GNG7: variants seen among roughly 807,000 people sequenced by gnomAD.
GNG7 encodes the protein guanine nucleotide-binding protein G(I)/G(S)/G(O) subunit gamma-7.
GNG7 carries 1 observed loss-of-function variant against 4.0 expected under a neutral mutation model. That is an observed-to-expected ratio of 0.25 (90% CI 0.09 to 1.18). The LOEUF (loss-of-function observed/expected upper bound fraction) is 1.18. Ranked by LOEUF, GNG7 falls within the 50% of genes most tolerant of loss-of-function variation. GNG7 has a pLI of 0.50. For synonymous variants in GNG7, 34 were observed against 36.9 expected (o/e 0.92, Z 0.29); for missense variants, 86 against 91.9 (o/e 0.94, Z 0.26).
At chr19:2,692,117 G>A (rs533945774) in intron 1 of GNG7, among the ~76,000 whole-genome samples, 75 of 152,242 alleles carry the variant, frequency 4.9e-4, no homozygotes, top group Non-Finnish European at 9.0e-4. Context: ...TTTACCACCC[G>A]GTCTGTGGTC....
In GNG7 at chr19:2,622,673, G is replaced by C. The variant is rs1478789664; in HGVS notation, c.-78+23551C>G. Among the ~76,000 whole-genome samples, 8 of 139,786 alleles carry C rather than the reference G, an allele frequency of 5.7e-5. 1 individual carries two copies. 91.7% of individuals were successfully genotyped at this position (139,786 alleles called of 152,430 possible). A position where few individuals can be genotyped will look rare whatever the true frequency, so the allele number is the denominator to read the frequency against. ...GGAAGGGGAACCCAACGCGAGCAACGCGGCAGATAGGGGGCTTCCGGGAAG... is the reference window on the plus strand; with the variant it reads ...GGAAGGGGAACCCAACGCGAGCAACCCGGCAGATAGGGGGCTTCCGGGAAG... On this transcript the variant is annotated intron_variant, in intron 2 of 4. Coordinates refer to ENST00000382159, the MANE Select transcript of GNG7 (RefSeq NM_052847.3).
intron 2 of GNG7, among the ~76,000 whole-genome samples, chr19:2,561,168 C>A (rs950976302): frequency 6.6e-6 from 1 of 151,928 alleles, no homozygotes; most frequent in Non-Finnish European, 1.5e-5. Context: ...GATCATGGGA[C>A]GCAGAGTCTC....
chr19:2,652,099 C>G (rs541647405), intron 1 of GNG7, among the ~76,000 whole-genome samples: 5 of 151,668 alleles, frequency 3.3e-5, no homozygotes, highest in Admixed American at 1.3e-4. Flanking sequence ...CGCTTGAACC[C>G]GGGAGACAGT....
At chr19:2,642,448 C>A in intron 2 of GNG7, 1 of 327,750 alleles carries the variant, frequency 3.1e-6, no homozygotes, top group South Asian at 2.5e-5. Context: ...CCACTGCAGC[C>A]TCGACCTCCG....
At chr19:2,608,652 C>T (rs1981468431) in intron 2 of GNG7, among the ~76,000 whole-genome samples, 1 of 152,212 alleles carries the variant, frequency 6.6e-6, no homozygotes, top group Admixed American at 6.5e-5. Flanking sequence ...CCGGGCAACC[C>T]CCTCTCTCTG....
chr19:2,677,048 C>G (rs1292487950), intron 1 of GNG7, among the ~76,000 whole-genome samples: 1 of 152,190 alleles, frequency 6.6e-6, no homozygotes, highest in African/African-American at 2.4e-5. Context: ...CATATCTTTA[C>G]TGCAGACCCA....
At chr19:2,559,324 G>C (rs558883701) in intron 2 of GNG7, among the ~76,000 whole-genome samples, 1 of 148,148 alleles carries the variant, frequency 6.8e-6, no homozygotes, top group African/African-American at 2.5e-5. Context: ...TCCTTTATCT[G>C]ATCAATACAT....
At chr19:2,647,254 G>C (rs1164965251) in intron 1 of GNG7, among the ~76,000 whole-genome samples, 1 of 152,246 alleles carries the variant, frequency 6.6e-6, no homozygotes, top group East Asian at 1.9e-4. Context: ...GCCCCCATAG[G>C]AACGTGGGTG....
rs915627789 is a variant in GNG7, at chr19:2,634,856, G to T, written c.-78+11368C>A. ...ACAAGAGCCCTTCTCAGGATAAGAG[G>T]CTCCAGTAAAGCTCTCAGCAGAAAT... On this transcript the variant is annotated intron_variant, in intron 2 of 4. Transcript: ENST00000382159. This position sits in a 1 kb window ranked among gnomAD's most constrained non-coding sequence, Gnocchi z 5.3. Among the ~76,000 whole-genome samples, 7 of 151,614 alleles carry T rather than the reference G, an allele frequency of 4.6e-5. No homozygotes were observed. The highest frequency in any genetic ancestry group is 1.7e-4 in the African/African-American group (7 of 41,226).
intron 2 of GNG7, among the ~76,000 whole-genome samples, chr19:2,572,601 T>C (rs974888371): frequency 6.7e-6 from 1 of 149,864 alleles, no homozygotes; most frequent in Non-Finnish European, 1.5e-5. Context: ...CCGGCCCTTT[T>C]TTTTTTTTTT....
chr19:2,621,316 G>A (rs573398611), intron 2 of GNG7, among the ~76,000 whole-genome samples: 2 of 152,064 alleles, frequency 1.3e-5, no homozygotes, highest in Non-Finnish European at 2.9e-5. Flanking sequence ...TTGAGCCCTA[G>A]GATTTCAGGG....
At chr19:2,636,093 GA>G (rs773432005) in intron 2 of GNG7, among the ~76,000 whole-genome samples, 1 of 151,972 alleles carries the variant, frequency 6.6e-6, no homozygotes, top group Non-Finnish European at 1.5e-5. Context: ...GTGTTATTTG[GA>G]AAAAAACAGA....
chr19:2,570,413 C>T (rs955261230), intron 2 of GNG7, among the ~76,000 whole-genome samples: 15 of 152,172 alleles, frequency 9.9e-5, no homozygotes, highest in Admixed American at 1.3e-4. Flanking sequence ...CGGGGAGACA[C>T]GCAGAGCTTG....
At chr19:2,673,288 CA>C (rs1198125183) in intron 1 of GNG7, among the ~76,000 whole-genome samples, 7 of 136,916 alleles carry the variant, frequency 5.1e-5, no homozygotes, top group African/African-American at 1.6e-4. Flanking sequence ...CAAAACAAAA[CA>C]AAAAAAAACC....
intron 2 of GNG7, among the ~76,000 whole-genome samples, chr19:2,612,543 A>G (rs927225410): frequency 1.3e-5 from 2 of 152,142 alleles, no homozygotes; most frequent in Non-Finnish European, 2.9e-5. Flanking sequence ...CCACGGCACA[A>G]AAGCCCCAGG....
At chr19:2,654,681 G>C (rs1202214857) in intron 1 of GNG7, among the ~76,000 whole-genome samples, 1 of 151,306 alleles carries the variant, frequency 6.6e-6, no homozygotes, top group Non-Finnish European at 1.5e-5. Context: ...GAGTCCCCTA[G>C]TTTATGTTGT....
intron 1 of GNG7, among the ~76,000 whole-genome samples, chr19:2,663,897 C>T (rs149610434): frequency 1.1e-4 from 16 of 152,272 alleles, no homozygotes; most frequent in Non-Finnish European, 1.5e-4. Context: ...GGGCACTGCA[C>T]AGTGCTGAGT....
chr19:2,634,552 C>A lies in GNG7; in HGVS notation c.-78+11672G>T, dbSNP rs1231532723. On this transcript the variant is annotated intron_variant, in intron 2 of 4. Coordinates refer to ENST00000382159, the MANE Select transcript of GNG7 (RefSeq NM_052847.3). This position sits in a 1 kb window ranked among gnomAD's most constrained non-coding sequence, Gnocchi z 5.3. The stretch of plus-strand genomic sequence containing the variant: ...CTGAGTCCTGGAGACTGTGGCAGAG[C>A]CCCTGATTTCGGCACAGCGCCCCGT... 6.6e-6 allele frequency among the ~76,000 whole-genome samples: 1 copy of A among 152,074 alleles called. No homozygotes were observed. The highest frequency in any genetic ancestry group is 2.1e-4 in the South Asian group (1 of 4,816).
At chr19:2,521,811 A>G (rs1978310465) in intron 3 of GNG7, among the ~76,000 whole-genome samples, 3 of 151,772 alleles carry the variant, frequency 2.0e-5, no homozygotes. Flanking sequence ...ACAGCGTTTC[A>G]CCATGTTGGC....
Sources: allele counts gnomAD v4.1 joint callset (sites outside exome capture counted in the v4.1 genomes callset), GRCh38; gene constraint gnomAD v4.1.1; non-coding constraint Gnocchi (gnomAD v3.1); transcripts MANE v1.5; gene names NCBI Gene and HGNC (gene_info 2026-07-23, HGNC 2026-07-21).